Variants in CILK1 observed in about 807,000 individuals in gnomAD.
CILK1 encodes ciliogenesis associated kinase 1, also known as serine/threonine-protein kinase ICK.
CILK1 carries 47 observed loss-of-function variants against 79.2 expected under a neutral mutation model. The ratio of observed to expected loss-of-function variants is 0.59; its 90% CI spans 0.47 to 0.76. CILK1 has a LOEUF of 0.76. Ranked by LOEUF, CILK1 falls within the 30% of genes least tolerant of loss-of-function variation. CILK1 has a pLI of 0.00. For missense variants in CILK1, 660 were observed against 769.5 expected, an observed-to-expected ratio of 0.86 and a Z score of 1.68; for synonymous variants, 266 against 275.9, an observed-to-expected ratio of 0.96 and a Z score of 0.36.
chr6:53,013,863 A>C lies in CILK1; in HGVS notation c.951T>G (p.Ile317Met). ...ILEKAGPPPY[I>M]KPVPPAQPPA... ...GTGGCTGGGCAGGTGGGACTGGCTT[A>C]ATATAAGGAGGTGGGCCTGCCTTTT... Residue 317 changes from isoleucine to methionine, a missense_variant, in exon 9 of 14, where the codon ATT becomes ATG. Coordinates refer to ENST00000676107, the MANE Select transcript of CILK1 (RefSeq NM_014920.5). 1.2e-6 allele frequency: 2 copies of C among 1,614,016 alleles called. No homozygotes were observed. Among genetic ancestry groups the C allele is most frequent in the Middle Eastern group, 1.7e-4 (1 of 6,052 alleles).
At chr6:53,044,705 G>A (rs1312554127) in intron 1 of CILK1, among the ~76,000 whole-genome samples, 1 of 152,158 alleles carries the variant, frequency 6.6e-6, no homozygotes, top group East Asian at 1.9e-4. Flanking sequence ...TGTATCTGGA[G>A]ACAGACCTAT....
chr6:53,051,622 C>T (rs986596769), intron 1 of CILK1, among the ~76,000 whole-genome samples: 1 of 152,214 alleles, frequency 6.6e-6, no homozygotes, highest in Non-Finnish European at 1.5e-5. Context: ...CATTTAAGGC[C>T]TACCAAGATA....
intron 13 of CILK1, among the ~76,000 whole-genome samples, chr6:53,005,954 C>T (rs766340426): frequency 6.6e-6 from 1 of 152,176 alleles, no homozygotes; most frequent in Non-Finnish European, 1.5e-5. Context: ...GAACAATCTC[C>T]TGTCTGGAAA....
At chr6:53,055,896 A>G (rs188700241) in intron 1 of CILK1, among the ~76,000 whole-genome samples, 6 of 152,214 alleles carry the variant, frequency 3.9e-5, no homozygotes, top group Admixed American at 2.0e-4. Flanking sequence ...AGCCAGAAAA[A>G]CAAACCTTTA....
intron 5 of CILK1, among the ~76,000 whole-genome samples, chr6:53,022,794 T>A (rs1008111366): frequency 6.6e-5 from 10 of 152,214 alleles, no homozygotes; most frequent in African/African-American, 1.9e-4. Context: ...ACATTTTCAC[T>A]GAGCATCTGC....
intron 5 of CILK1, among the ~76,000 whole-genome samples, chr6:53,025,079 C>T (rs145468435): frequency 1.3e-5 from 2 of 152,036 alleles, no homozygotes; most frequent in African/African-American, 2.4e-5. Flanking sequence ...GTGATTCACC[C>T]GTCTCAGCCT....
At chr6:53,017,499 T>C (rs1764961605) in intron 7 of CILK1, among the ~76,000 whole-genome samples, 1 of 152,052 alleles carries the variant, frequency 6.6e-6, no homozygotes, top group East Asian at 1.9e-4. Context: ...TGTATAGGTA[T>C]GAAGTGAGCG....
intron 11 of CILK1, 104 bp downstream of exon 11, chr6:53,011,665 G>T: frequency 9.2e-7 from 1 of 1,082,024 alleles, no homozygotes; most frequent in East Asian, 2.4e-5. Flanking sequence ...CTGAAGGGAA[G>T]CCCCCTAGTA....
At chr6:53,046,479 G>T (rs1251541068) in intron 1 of CILK1, among the ~76,000 whole-genome samples, 1 of 152,142 alleles carries the variant, frequency 6.6e-6, no homozygotes, top group Admixed American at 6.6e-5. Context: ...GATAGAGTGG[G>T]TCATTCATTC....
At chr6:53,040,078 T>A in intron 2 of CILK1, among the ~76,000 whole-genome samples, 1 of 151,936 alleles carries the variant, frequency 6.6e-6, no homozygotes, top group Admixed American at 6.6e-5. Context: ...ATGAGTGTAG[T>A]TTTGGGCATG....
intron 12 of CILK1, among the ~76,000 whole-genome samples, chr6:53,008,357 G>A (rs1291981434): frequency 6.6e-6 from 1 of 151,890 alleles, no homozygotes; most frequent in African/African-American, 2.4e-5. Context: ...TGGCATGGGG[G>A]GAGGTAAGGG....
chr6:53,028,052 C>T (rs9474370), intron 5 of CILK1, among the ~76,000 whole-genome samples: 3,166 of 150,546 alleles, frequency 0.021, 108 homozygotes, highest in African/African-American at 0.073. Context: ...GAGGCTGAGG[C>T]GGGAGAATGG....
chr6:53,046,478 G>A (rs1455808197), intron 1 of CILK1, among the ~76,000 whole-genome samples: 1 of 152,004 alleles, frequency 6.6e-6, no homozygotes, highest in Non-Finnish European at 1.5e-5. Flanking sequence ...AGATAGAGTG[G>A]GTCATTCATT....
Position 53,001,332 on chromosome 6 carries a change from C to A in CILK1, c.*3817G>T, listed in dbSNP as rs555051480. On this transcript the variant is annotated 3_prime_UTR_variant, in exon 14 of 14. Transcript: ENST00000676107. ...TCTTAAACTTCAACTTTATTTGGAC[C>A]AGGAAATTTTTCCTTACATAAGGTT... 2 of 152,138 alleles carry A rather than the reference C, an allele frequency of 1.3e-5. No individual in the cohort carries two copies. The highest frequency in any genetic ancestry group is 1.3e-4 in the Admixed American group (2 of 15,292). The allele number at this position is 152,138 out of a possible 1,614,324, so 9.4% of individuals were successfully genotyped here.
intron 5 of CILK1, among the ~76,000 whole-genome samples, chr6:53,030,223 G>A (rs551820434): frequency 7.9e-5 from 12 of 152,254 alleles, no homozygotes; most frequent in East Asian, 5.8e-4. Flanking sequence ...ACTGGCCCCC[G>A]TAGAAATGTT....
intron 8 of CILK1, 107 bp downstream of exon 8, chr6:53,015,976 T>C (rs776697228): frequency 5.6e-5 from 63 of 1,127,594 alleles, no homozygotes; most frequent in South Asian, 1.9e-4. Flanking sequence ...AGTGGTATTC[T>C]GTACTATTTC....
chr6:53,033,713 T>C (rs758483040), intron 3 of CILK1, among the ~76,000 whole-genome samples: 126 of 152,214 alleles, frequency 8.3e-4, no homozygotes, highest in Non-Finnish European at 4.4e-5. Context: ...AAAGAAAACA[T>C]GTGAAGAGGA....
At chr6:53,039,019 G>A (rs144639214) in intron 2 of CILK1, among the ~76,000 whole-genome samples, 1 of 152,316 alleles carries the variant, frequency 6.6e-6, no homozygotes, top group Non-Finnish European at 1.5e-5. Flanking sequence ...ACTTTCCCGA[G>A]GTCTTACTGC....
intron 2 of CILK1, 120 bp downstream of exon 2, chr6:53,041,016 C>T: frequency 1.3e-6 from 1 of 758,000 alleles, no homozygotes; most frequent in Non-Finnish European, 2.4e-6. Context: ...TAACCCACAG[C>T]AATCATTATC....
Sources: allele counts gnomAD v4.1 joint callset (sites outside exome capture counted in the v4.1 genomes callset), GRCh38; gene constraint gnomAD v4.1.1; transcripts MANE v1.5; gene names NCBI Gene and HGNC (gene_info 2026-07-23, HGNC 2026-07-21).